The following NDP variants were observed in gnomAD, a reference collection of about 807,000 sequenced individuals.
NDP encodes the protein norrin cystine knot growth factor NDP.
A neutral mutation model predicts 8.4 loss-of-function variants in NDP; 2 were observed. The observed-to-expected ratio is 0.24, with a 90% CI of 0.10 to 0.75. The LOEUF is 0.75. NDP is among the 30% of genes least tolerant of loss of function. The pLI is 0.73. For synonymous variants in NDP, 55 were observed against 45.6 expected, an observed-to-expected ratio of 1.21 and a Z score of -0.83; for missense variants, 81 against 110.1, an observed-to-expected ratio of 0.74 and a Z score of 1.18.
intron 1 of NDP, among the ~76,000 whole-genome samples, chrX:43,970,242 G>T (rs980839781): frequency 8.9e-6 from 1 of 112,099 alleles, no homozygotes; most frequent in South Asian, 3.7e-4. Context: ...CTGCTTCCCC[G>T]CTCTGCCTTA....
At chrX:43,962,432 A>T (rs2035831798) in intron 1 of NDP, among the ~76,000 whole-genome samples, 1 of 111,329 alleles carries the variant, frequency 9.0e-6, no homozygotes, top group Non-Finnish European at 1.9e-5. Context: ...AAAGTATGGG[A>T]GTGGGAGGAA....
chrX:43,953,162 C>T (rs2035772584), intron 2 of NDP, among the ~76,000 whole-genome samples: 2 of 74,754 alleles, frequency 2.7e-5, no homozygotes, highest in African/African-American at 1.8e-4. Flanking sequence ...ACACACACTC[C>T]TAGAAGGAAA....
intron 1 of NDP, among the ~76,000 whole-genome samples, chrX:43,961,695 C>T (rs1399228042): frequency 9.0e-6 from 1 of 111,668 alleles, no homozygotes; most frequent in Non-Finnish European, 1.9e-5. Flanking sequence ...AAGGCTTTCT[C>T]TTTTAAAAGC....
rs1238666986 is a variant in NDP, at chrX:43,951,753, T to C, written c.175-1727A>G. ...AATATACTGGGGCTAAATCCAACAA[T>C]CACTTAGCAACCACCAAGGCAATAT... is the stretch of plus-strand genomic sequence containing the variant. On this transcript the variant is annotated intron_variant, in intron 2 of 2. Coordinates refer to ENST00000642620, the MANE Select transcript of NDP (RefSeq NM_000266.4). Among the ~76,000 whole-genome samples the C allele has an allele frequency of 3.7e-5, 4 of 109,374 alleles. No individual in the cohort carries two copies. The Admixed American group carries it at 3.9e-4, about 11-fold the overall frequency. 95.0% of individuals were successfully genotyped at this position (109,374 alleles called of 115,157 possible). A position where few individuals can be genotyped will look rare whatever the true frequency, so the allele number is the denominator to read the frequency against.
rs1434496333 is a variant in NDP, at chrX:43,949,972, G to C, written c.229C>G (p.Pro77Ala). Residue 77 changes from proline to alanine, a missense_variant, in exon 3 of 3, where the codon CCT (proline) becomes GCT (alanine). Coordinates refer to ENST00000642620, the MANE Select transcript of NDP (RefSeq NM_000266.4). ...GHCSQASRSE[P>A]LVSFSTVLKQ... ...AGGACAGTGCTGAACGACACCAAAG[G>C]CTCGGAGCGTGACGCCTGGCTGCAG... is the stretch of plus-strand genomic sequence containing the variant. 1 of 1,208,377 alleles carries C rather than the reference G, an allele frequency of 8.3e-7. No individual in the cohort carries two copies. The highest frequency in any genetic ancestry group is 1.8e-5 in the South Asian group (1 of 56,070).
At chrX:43,967,930 T>C (rs1164296356) in intron 1 of NDP, among the ~76,000 whole-genome samples, 4 of 111,388 alleles carry the variant, frequency 3.6e-5, no homozygotes, top group African/African-American at 1.3e-4. Flanking sequence ...TGAAAAATTC[T>C]TAGCTTTTGT....
chrX:43,962,269 A>AT (rs776438846), intron 1 of NDP, among the ~76,000 whole-genome samples: 2,397 of 95,595 alleles, frequency 0.025, 22 homozygotes, highest in Non-Finnish European at 0.035. Flanking sequence ...ATAACCTGGG[A>AT]TTTTTTTTTT....
intron 2 of NDP, among the ~76,000 whole-genome samples, chrX:43,955,657 C>T (rs1036074646): frequency 1.2e-4 from 14 of 112,434 alleles, no homozygotes; most frequent in African/African-American, 4.5e-4. Flanking sequence ...TGTACCCAAA[C>T]CCAGGAGGTG....
At chrX:43,950,137 G>T (rs891676581) in intron 2 of NDP, 111 bp from the exon 3 acceptor site, 2 of 654,283 alleles carry the variant, frequency 3.1e-6, no homozygotes, top group African/African-American at 4.4e-5. Context: ...TGCTAGATTA[G>T]ACCAGTGGCT....
rs180690947 is a variant in NDP, at chrX:43,972,456, G to C, written c.-208+848C>G. On this transcript the variant is annotated intron_variant, in intron 1 of 2. Coordinates refer to ENST00000642620, the MANE Select transcript of NDP (RefSeq NM_000266.4). ...TATTCCAAAGTTTGAAAGAAACCTC[G>C]GAATATCCCGCAGGTAGGAGTCATT... 3.6e-5 allele frequency among the ~76,000 whole-genome samples: 4 copies of C among 111,266 alleles called. No homozygotes were observed. The East Asian group carries it at 1.1e-3, about 31-fold the overall frequency.
intron 2 of NDP, among the ~76,000 whole-genome samples, chrX:43,955,381 T>C (rs939085414): frequency 3.0e-4 from 34 of 112,057 alleles, no homozygotes; most frequent in African/African-American, 1.1e-3. Context: ...CTATTTTGCA[T>C]GGGAAGAAAC....
intron 1 of NDP, among the ~76,000 whole-genome samples, chrX:43,962,737 T>A (rs1306689569): frequency 8.9e-6 from 1 of 111,749 alleles, no homozygotes; most frequent in Non-Finnish European, 1.9e-5. Context: ...GACATGGACT[T>A]GGCCGACGTA....
In NDP at chrX:43,949,892, C is replaced by G. The variant is rs745967643; in HGVS notation, c.309G>C (p.Leu103=). The change falls in exon 3 of 3, where the codon CTG becomes CTC. Residue 103 remains leucine, a synonymous_variant. Coordinates refer to ENST00000642620, the MANE Select transcript of NDP (RefSeq NM_000266.4). ...CHCCRPQTSK[L]KALRLRCSGG... is the part of the protein sequence containing the mutation. ...CTGAGCATCGCAGCCGCAGTGCCTT[C>G]AGCTTGGAAGTCTGGGGCCGGCAGC... The G allele has an allele frequency of 1.6e-5, 19 of 1,198,058 alleles. No homozygotes were observed. The highest frequency in any genetic ancestry group is 1.9e-5 in the Non-Finnish European group (17 of 889,440).
At chrX:43,970,442 C>T (rs943433539) in intron 1 of NDP, among the ~76,000 whole-genome samples, 7 of 111,957 alleles carry the variant, frequency 6.3e-5, no homozygotes, top group Non-Finnish European at 1.1e-4. Context: ...GAGTCAGAGG[C>T]ATTTTAATCC....
chrX:43,963,258 CA>C (rs2035836942), intron 1 of NDP, among the ~76,000 whole-genome samples: 1 of 111,874 alleles, frequency 8.9e-6, no homozygotes, highest in South Asian at 3.7e-4. Context: ...GAGATAGGGT[CA>C]GGGGAAAAAT....
chrX:43,965,124 T>C (rs1602069952), intron 1 of NDP, among the ~76,000 whole-genome samples: 1 of 111,952 alleles, frequency 8.9e-6, no homozygotes, highest in Non-Finnish European at 1.9e-5. Context: ...CTGTTAATCA[T>C]AGGAAGTGGG....
chrX:43,959,707 C>T (rs1429955762), intron 1 of NDP, among the ~76,000 whole-genome samples: 1 of 111,735 alleles, frequency 8.9e-6, no homozygotes, highest in Non-Finnish European at 1.9e-5. Context: ...CACTAACTCC[C>T]CAGGCATAGC....
chrX:43,970,353 A>G (rs779198205), intron 1 of NDP, among the ~76,000 whole-genome samples: 34 of 112,129 alleles, frequency 3.0e-4, no homozygotes, highest in African/African-American at 1.1e-3. Context: ...ACTGGCCGTC[A>G]TGGGAAGAGG....
intron 1 of NDP, among the ~76,000 whole-genome samples, chrX:43,963,390 C>G (rs755674687): frequency 2.7e-5 from 3 of 111,362 alleles, no homozygotes; most frequent in African/African-American, 9.8e-5. Flanking sequence ...TAATTTGTAT[C>G]CAGTATTCAT....
Sources: allele counts gnomAD v4.1 joint callset (sites outside exome capture counted in the v4.1 genomes callset), GRCh38; gene constraint gnomAD v4.1.1; transcripts MANE v1.5; gene names NCBI Gene and HGNC (gene_info 2026-07-23, HGNC 2026-07-21).